Variants in CCNY observed in about 807,000 individuals in gnomAD.
CCNY encodes cyclin Y.
A neutral mutation model predicts 42.8 loss-of-function variants in CCNY; 19 were observed. That is an observed-to-expected ratio of 0.44 (90% CI 0.31 to 0.65). The LOEUF (loss-of-function observed/expected upper bound fraction) is 0.65. Among genes scored for constraint, CCNY ranks in the 30% least tolerant of loss-of-function variants. The pLI, the probability that CCNY is intolerant of heterozygous loss-of-function variation, is 0.07. For missense variants in CCNY, 370 were observed against 437.3 expected (o/e 0.85, Z 1.37); for synonymous variants, 165 against 162.7 (o/e 1.01, Z -0.11).
intron 9 of CCNY, among the ~76,000 whole-genome samples, chr10:35,568,137 G>A (rs1418572144): frequency 6.6e-6 from 1 of 152,230 alleles, no homozygotes; most frequent in African/African-American, 2.4e-5. Flanking sequence ...TGTGTTCTCT[G>A]CTGAAGAATA....
At chr10:35,458,773 C>T (rs527898512) in intron 1 of CCNY, among the ~76,000 whole-genome samples, 36 of 152,354 alleles carry the variant, frequency 2.4e-4, no homozygotes, top group African/African-American at 7.0e-4. Context: ...ACTGCTCCCA[C>T]GCCTGCCCAT....
chr10:35,423,865 T>G (rs1345584550), intron 1 of CCNY, among the ~76,000 whole-genome samples: 1 of 152,238 alleles, frequency 6.6e-6, no homozygotes. Context: ...ACTTTTCACC[T>G]AATAGAAATT....
At chr10:35,250,129 G>T (rs1282247304) in intron 2 of CCNY, among the ~76,000 whole-genome samples, 1 of 149,296 alleles carries the variant, frequency 6.7e-6, no homozygotes, top group Non-Finnish European at 1.5e-5. Context: ...GGGAGGCAGA[G>T]CTTGCAGTGA....
At chr10:35,485,803 G>A (rs560316535) in intron 2 of CCNY, among the ~76,000 whole-genome samples, 13 of 151,668 alleles carry the variant, frequency 8.6e-5, no homozygotes, top group Middle Eastern at 3.4e-3. Flanking sequence ...GATAATCAGA[G>A]AATTGGCTAC....
intron 1 of CCNY, among the ~76,000 whole-genome samples, chr10:35,383,364 G>A (rs1215827105): frequency 6.6e-6 from 1 of 151,602 alleles, no homozygotes; most frequent in African/African-American, 2.4e-5. Context: ...CTGGAGTGCA[G>A]TGGCACAATC....
intron 1 of CCNY, among the ~76,000 whole-genome samples, chr10:35,430,103 C>T (rs925462860): frequency 8.6e-5 from 13 of 151,456 alleles, no homozygotes; most frequent in African/African-American, 1.5e-4. Context: ...TTTGGGAGGC[C>T]GAGGCGGGCG....
chr10:35,565,633 G>A (rs972968874), intron 8 of CCNY, among the ~76,000 whole-genome samples: 11 of 152,234 alleles, frequency 7.2e-5, no homozygotes, highest in African/African-American at 2.4e-4. Context: ...CAGAGGCTGA[G>A]TGTTTTCCTC....
intron 1 of CCNY, among the ~76,000 whole-genome samples, chr10:35,371,462 A>G (rs1166253875): frequency 6.6e-6 from 1 of 152,142 alleles, no homozygotes; most frequent in East Asian, 1.9e-4. Flanking sequence ...CCTTTGAACA[A>G]GTCACTTTCC....
intron 1 of CCNY, among the ~76,000 whole-genome samples, chr10:35,411,043 C>T (rs573065983): frequency 5.3e-5 from 8 of 152,124 alleles, no homozygotes; most frequent in South Asian, 2.1e-4. Flanking sequence ...TATTTTAACT[C>T]GGACAGTTGT....
At chr10:35,454,919 A>T (rs987034516) in intron 1 of CCNY, among the ~76,000 whole-genome samples, 13 of 152,178 alleles carry the variant, frequency 8.5e-5, no homozygotes, top group African/African-American at 2.9e-4. Context: ...ATGGAAAGAG[A>T]TTTTGCCTAG....
intron 1 of CCNY, chr10:35,347,450 C>T: frequency 1.0e-6 from 1 of 982,982 alleles, no homozygotes; most frequent in Non-Finnish European, 1.2e-6. Context: ...CTAGGAAATA[C>T]TCTGCATGGG....
At chr10:35,410,367 T>C (rs761418825) in intron 1 of CCNY, among the ~76,000 whole-genome samples, 4 of 152,084 alleles carry the variant, frequency 2.6e-5, no homozygotes, top group Non-Finnish European at 5.9e-5. Flanking sequence ...GAAACCCAGA[T>C]AAGGAGAGAA....
chr10:35,360,004 T>A (rs1270513008), intron 1 of CCNY, among the ~76,000 whole-genome samples: 1 of 152,272 alleles, frequency 6.6e-6, no homozygotes, highest in Non-Finnish European at 1.5e-5. Context: ...GTTTACCCAT[T>A]CATCTCTTGT....
intron 1 of CCNY, among the ~76,000 whole-genome samples, chr10:35,348,886 GT>G (rs879355356): frequency 2.0e-4 from 29 of 144,166 alleles, no homozygotes; most frequent in Admixed American, 3.5e-4. Flanking sequence ...TCTAAGTTGG[GT>G]TTTTTTTTTT....
At chr10:35,373,338 C>T (rs1185414694) in intron 1 of CCNY, among the ~76,000 whole-genome samples, 1 of 152,186 alleles carries the variant, frequency 6.6e-6, no homozygotes, top group Non-Finnish European at 1.5e-5. Flanking sequence ...CTTAGTAGAC[C>T]ATGCTGCAGC....
intron 1 of CCNY, among the ~76,000 whole-genome samples, chr10:35,364,045 A>G (rs1467563197): frequency 6.6e-6 from 1 of 152,236 alleles, no homozygotes; most frequent in African/African-American, 2.4e-5. Context: ...TGTTGAGAAT[A>G]TAATTTTCTA....
intron 1 of CCNY, among the ~76,000 whole-genome samples, chr10:35,417,658 T>C (rs1838055391): frequency 6.6e-6 from 1 of 152,236 alleles, no homozygotes; most frequent in Admixed American, 6.5e-5. Context: ...CCTTTTGTTA[T>C]TTCTTTTAGG....
chr10:35,367,762 C>T (rs1836840651), intron 1 of CCNY, among the ~76,000 whole-genome samples: 1 of 152,166 alleles, frequency 6.6e-6, no homozygotes, highest in Non-Finnish European at 1.5e-5. Context: ...TGCAGGTCTG[C>T]AGTTAAACAA....
chr10:35,331,651 C>A (rs551485360), upstream of CCNY, among the ~76,000 whole-genome samples: 3 of 152,346 alleles, frequency 2.0e-5, no homozygotes, highest in Non-Finnish European at 4.4e-5. Flanking sequence ...ACGTCCCTGG[C>A]AGTTACTCTG....
Sources: allele counts gnomAD v4.1 joint callset (sites outside exome capture counted in the v4.1 genomes callset), GRCh38; gene constraint gnomAD v4.1.1; transcripts MANE v1.5; gene names NCBI Gene and HGNC (gene_info 2026-07-23, HGNC 2026-07-21).